The following KCND2 variants were observed in gnomAD, a reference collection of about 807,000 sequenced individuals.
KCND2 encodes potassium voltage-gated channel subfamily D member 2.
KCND2 carries 16 observed loss-of-function variants against 54.4 expected under a neutral mutation model. That is an observed-to-expected ratio of 0.29 (90% CI 0.20 to 0.45). KCND2 has a LOEUF of 0.45. Among genes scored for constraint, KCND2 ranks in the 20% least tolerant of loss-of-function variants. KCND2 has a pLI of 1.00. For missense variants in KCND2, 486 were observed against 824.2 expected (o/e 0.59, Z 5.02); for synonymous variants, 317 against 310.7 (o/e 1.02, Z -0.21).
intron 1 of KCND2, among the ~76,000 whole-genome samples, chr7:120,627,823 A>G (rs1484021842): frequency 6.6e-6 from 1 of 151,880 alleles, no homozygotes; most frequent in African/African-American, 2.4e-5. Flanking sequence ...AATACATAGA[A>G]CACATATATG....
chr7:120,584,641 G>A (rs528308896), intron 1 of KCND2, among the ~76,000 whole-genome samples: 294 of 152,274 alleles, frequency 1.9e-3, no homozygotes, highest in Middle Eastern at 0.01. Context: ...AAGCATAATG[G>A]GACTCACAGC....
At chr7:120,469,615 T>C (rs921961407) in intron 1 of KCND2, among the ~76,000 whole-genome samples, 2 of 152,094 alleles carry the variant, frequency 1.3e-5, no homozygotes, top group African/African-American at 4.8e-5. Context: ...GCCAGATGCA[T>C]AGGATATGTC....
At chr7:120,712,324 C>T (rs1359624877) in intron 1 of KCND2, among the ~76,000 whole-genome samples, 7 of 116,284 alleles carry the variant, frequency 6.0e-5, no homozygotes, top group African/African-American at 1.3e-4. Context: ...AGTGCAGTGG[C>T]GTGATCTTGG....
At chr7:120,569,087 T>A (rs1022661760) in intron 1 of KCND2, among the ~76,000 whole-genome samples, 1 of 152,238 alleles carries the variant, frequency 6.6e-6, no homozygotes, top group African/African-American at 2.4e-5. Flanking sequence ...TTCAAACTGA[T>A]CTAGGAGGAA....
intron 1 of KCND2, among the ~76,000 whole-genome samples, chr7:120,605,002 T>C (rs1285223861): frequency 6.6e-6 from 1 of 152,222 alleles, no homozygotes; most frequent in East Asian, 1.9e-4. Flanking sequence ...TTTATTGTTC[T>C]GTATCTTTTA....
rs1166167712 is a variant in KCND2 at position 120,650,205 on chromosome 7, A to G, written c.1116-82698A>G. On this transcript the variant is annotated intron_variant, in intron 1 of 5. Coordinates refer to ENST00000331113, the MANE Select transcript of KCND2 (RefSeq NM_012281.3). The stretch of plus-strand genomic sequence containing the variant: ...AAGTTCTCCTGGATAATATCCTGCA[A>G]AGTGTTTTCCAACTTGGTTCCATTC... Among the ~76,000 whole-genome samples, 2 of 143,638 alleles carry G rather than the reference A, an allele frequency of 1.4e-5. 1 individual carries two copies. Among genetic ancestry groups the G allele is most frequent in the Non-Finnish European group, 3.0e-5 (2 of 66,012 alleles). The allele number at this position is 143,638 out of a possible 152,430, so 94.2% of individuals were successfully genotyped here.
At chr7:120,697,143 T>G (rs6466756) in intron 1 of KCND2, among the ~76,000 whole-genome samples, 42,838 of 151,980 alleles carry the variant, frequency 0.28, 6,560 homozygotes, top group East Asian at 0.44. Flanking sequence ...GAGTGAGTTT[T>G]CATTCTAATT....
intron 1 of KCND2, among the ~76,000 whole-genome samples, chr7:120,504,002 T>G: frequency 6.6e-6 from 1 of 151,978 alleles, no homozygotes; most frequent in East Asian, 1.9e-4. Context: ...AGATAGCTGC[T>G]TTGCTATGCT....
At chr7:120,483,007 G>A (rs905121840) in intron 1 of KCND2, among the ~76,000 whole-genome samples, 5 of 152,136 alleles carry the variant, frequency 3.3e-5, no homozygotes, top group Non-Finnish European at 7.4e-5. Flanking sequence ...TTGGCAAGGT[G>A]AGGGGACTTG....
At chr7:120,560,906 C>T (rs958714774) in intron 1 of KCND2, among the ~76,000 whole-genome samples, 2 of 152,110 alleles carry the variant, frequency 1.3e-5, no homozygotes, top group African/African-American at 4.8e-5. Context: ...GTGACTAGCT[C>T]AATGCTACAA....
chr7:120,427,318 C>G (rs900629417), intron 1 of KCND2, among the ~76,000 whole-genome samples: 2 of 152,200 alleles, frequency 1.3e-5, no homozygotes, highest in African/African-American at 4.8e-5. Flanking sequence ...TTCAGTTACA[C>G]CCTTTGTAAG....
chr7:120,479,796 C>CACA (rs1259877066), intron 1 of KCND2, among the ~76,000 whole-genome samples: 8 of 75,604 alleles, frequency 1.1e-4, no homozygotes, highest in Non-Finnish European at 2.3e-4. Context: ...TACACACACA[C>CACA]AAAAAAAAAA....
chr7:120,569,787 G>A (rs1051555855), intron 1 of KCND2, among the ~76,000 whole-genome samples: 5 of 152,064 alleles, frequency 3.3e-5, no homozygotes, highest in Non-Finnish European at 7.4e-5. Flanking sequence ...CTTTTGTAAA[G>A]TCTGTTTATA....
intron 1 of KCND2, among the ~76,000 whole-genome samples, chr7:120,672,290 C>T (rs112748134): frequency 8.8e-4 from 134 of 152,128 alleles, no homozygotes; most frequent in African/African-American, 3.0e-3. Context: ...TCACTTCCTA[C>T]GATTCATTCA....
At chr7:120,549,312 C>G (rs1223317200) in intron 1 of KCND2, among the ~76,000 whole-genome samples, 1 of 152,114 alleles carries the variant, frequency 6.6e-6, no homozygotes, top group African/African-American at 2.4e-5. Flanking sequence ...CTCTACAGAT[C>G]AGTCACAAGG....
At chr7:120,693,406 G>T (rs1403138544) in intron 1 of KCND2, among the ~76,000 whole-genome samples, 1 of 152,068 alleles carries the variant, frequency 6.6e-6, no homozygotes, top group Non-Finnish European at 1.5e-5. Flanking sequence ...GACAGTGATC[G>T]TTCTCCCTCC....
chr7:120,458,476 A>T (rs1802234984), intron 1 of KCND2, among the ~76,000 whole-genome samples: 1 of 152,220 alleles, frequency 6.6e-6, no homozygotes, highest in South Asian at 2.1e-4. Context: ...TGCCCACCAT[A>T]ACCACACACT....
At chr7:120,461,180 G>A (rs1236181921) in intron 1 of KCND2, among the ~76,000 whole-genome samples, 1 of 152,040 alleles carries the variant, frequency 6.6e-6, no homozygotes, top group Non-Finnish European at 1.5e-5. Context: ...GCTTAAAGAG[G>A]TTTCTGTTGC....
intron 1 of KCND2, 150 bp downstream of exon 1, chr7:120,275,897 T>G (rs1025786843): frequency 1.6e-4 from 134 of 859,606 alleles, no homozygotes; most frequent in Non-Finnish European, 2.3e-4. Context: ...CAAAACTCTT[T>G]TCATCTGTGA....
Sources: gnomAD v4.1 joint callset for allele counts (sites outside exome capture counted in the v4.1 genomes callset) on GRCh38, gnomAD v4.1.1 for gene constraint, MANE v1.5 for transcripts, NCBI Gene and HGNC (gene_info 2026-07-23, HGNC 2026-07-21) for gene names.